TTC28: variants seen among roughly 807,000 people sequenced by gnomAD.
TTC28 encodes the protein tetratricopeptide repeat protein 28.
Under a neutral mutation model 198.0 loss-of-function variants are expected in TTC28, and 61 were observed. The observed-to-expected ratio is 0.31, with a 90% CI of 0.25 to 0.38. The LOEUF is 0.38. Ranked by LOEUF, TTC28 falls within the 10% of genes least tolerant of loss-of-function variation. The probability of loss-of-function intolerance (pLI) is 1.00; values close to 1 mark genes in which losing one functional copy is unlikely to be tolerated. For synonymous variants in TTC28, 1,171 were observed against 1,297.8 expected (o/e 0.90, Z 2.10); for missense variants, 2,678 against 3,164.0 (o/e 0.85, Z 3.69).
chr22:28,433,846 C>T (rs16986422), intron 2 of TTC28, among the ~76,000 whole-genome samples: 2,414 of 152,206 alleles, frequency 0.016, 83 homozygotes, highest in African/African-American at 0.056. Context: ...AAGCAAAAAT[C>T]AGAAAAGGGG....
At chr22:28,192,662 C>T (rs904369133) in intron 5 of TTC28, among the ~76,000 whole-genome samples, 8 of 151,916 alleles carry the variant, frequency 5.3e-5, no homozygotes, top group Admixed American at 1.3e-4. Flanking sequence ...CTTCAGCAGC[C>T]GATTCAATCA....
chr22:28,265,184 T>C (rs1931601264), intron 5 of TTC28, among the ~76,000 whole-genome samples: 1 of 152,200 alleles, frequency 6.6e-6, no homozygotes, highest in African/African-American at 2.4e-5. Flanking sequence ...AAAATTTGCA[T>C]ATTTTACACA....
intron 2 of TTC28, among the ~76,000 whole-genome samples, chr22:28,536,070 C>A (rs1429436355): frequency 2.0e-5 from 3 of 151,142 alleles, no homozygotes; most frequent in African/African-American, 7.3e-5. Flanking sequence ...TGGTGGCGGG[C>A]CCCTGTAGTC....
chr22:28,435,559 G>GT (rs2047507858), intron 2 of TTC28, among the ~76,000 whole-genome samples: 1 of 152,188 alleles, frequency 6.6e-6, no homozygotes, highest in Non-Finnish European at 1.5e-5. Flanking sequence ...GGGATTTCAG[G>GT]TTTTCCACAG....
chr22:28,300,561 C>A (rs962192386), intron 3 of TTC28, among the ~76,000 whole-genome samples: 2 of 151,886 alleles, frequency 1.3e-5, no homozygotes, highest in South Asian at 2.1e-4. Context: ...AGGAAATACA[C>A]TTCAAAAGAT....
At chr22:28,176,731 A>T (rs1923199547) in intron 5 of TTC28, among the ~76,000 whole-genome samples, 1 of 152,236 alleles carries the variant, frequency 6.6e-6, no homozygotes, top group East Asian at 1.9e-4. Flanking sequence ...ACATTTTTTA[A>T]TGAGAATTCT....
At chr22:28,282,407 T>C (rs1284495887) in intron 5 of TTC28, among the ~76,000 whole-genome samples, 4 of 152,222 alleles carry the variant, frequency 2.6e-5, no homozygotes, top group African/African-American at 7.2e-5. Flanking sequence ...GGAAGCACTA[T>C]CCAATAGAAT....
chr22:28,237,271 C>A (rs1324847559), intron 5 of TTC28, among the ~76,000 whole-genome samples: 2 of 152,098 alleles, frequency 1.3e-5, no homozygotes, highest in African/African-American at 2.4e-5. Flanking sequence ...AATGTCCTAA[C>A]GTGTCCACTG....
At chr22:28,495,700 T>C (rs1260873913) in intron 2 of TTC28, among the ~76,000 whole-genome samples, 1 of 152,180 alleles carries the variant, frequency 6.6e-6, no homozygotes, top group Non-Finnish European at 1.5e-5. Flanking sequence ...GTGGAAATAA[T>C]TCATTCAAAT....
intron 2 of TTC28, among the ~76,000 whole-genome samples, chr22:28,364,909 T>C (rs1361558000): frequency 1.3e-5 from 2 of 152,250 alleles, no homozygotes; most frequent in African/African-American, 4.8e-5. Flanking sequence ...ATTTAGAATA[T>C]AATACCAACT....
Position 28,394,788 on chromosome 22 carries a change from C to T in TTC28, c.382-88145G>A, listed in dbSNP as rs890520575. 1.4e-4 allele frequency among the ~76,000 whole-genome samples: 22 copies of T among 152,164 alleles called. 1 individual carries two copies. The highest frequency in any genetic ancestry group is 1.4e-3 in the Admixed American group (22 of 15,282). On this transcript the variant is annotated intron_variant, in intron 2 of 22. Coordinates refer to ENST00000397906, the MANE Select transcript of TTC28 (RefSeq NM_001145418.2). ...TTCATGAAACCAACAGCATGTAGAACACACAGCATTTCAATAACGTATGAA... is the reference window on the plus strand; with the variant it reads ...TTCATGAAACCAACAGCATGTAGAATACACAGCATTTCAATAACGTATGAA...
intron 2 of TTC28, among the ~76,000 whole-genome samples, chr22:28,316,033 A>T (rs1020477504): frequency 6.6e-6 from 1 of 152,196 alleles, no homozygotes; most frequent in East Asian, 1.9e-4. Flanking sequence ...AAGTTCTGGT[A>T]GTTCCATCCC....
At chr22:28,464,322 T>G (rs2047989981) in intron 2 of TTC28, among the ~76,000 whole-genome samples, 1 of 152,176 alleles carries the variant, frequency 6.6e-6, no homozygotes, top group Non-Finnish European at 1.5e-5. Context: ...ACCAAAAGTA[T>G]GCAGACAGTT....
chr22:28,237,133 G>GCT (rs1929307824), intron 5 of TTC28, among the ~76,000 whole-genome samples: 1 of 151,890 alleles, frequency 6.6e-6, no homozygotes, highest in Non-Finnish European at 1.5e-5. Context: ...TTGTTCATGT[G>GCT]CTCTCGCTCG....
At chr22:28,372,217 T>C (rs1249271584) in intron 2 of TTC28, among the ~76,000 whole-genome samples, 1 of 152,234 alleles carries the variant, frequency 6.6e-6, no homozygotes, top group African/African-American at 2.4e-5. Context: ...GAACAGCTAC[T>C]ACTAAAAACA....
At chr22:28,018,306 C>G (rs562650687) in intron 13 of TTC28, among the ~76,000 whole-genome samples, 121 of 49,238 alleles carry the variant, frequency 2.5e-3, no homozygotes, top group Middle Eastern at 0.013. Context: ...TGTGCGCGCG[C>G]GGGGGGGGGG....
intron 2 of TTC28, among the ~76,000 whole-genome samples, chr22:28,601,610 A>C (rs2050639664): frequency 6.6e-6 from 1 of 152,170 alleles, no homozygotes; most frequent in Non-Finnish European, 1.5e-5. Context: ...AAGGAACTTA[A>C]GCATCCACAG....
chr22:28,126,326 C>T (rs943941307), intron 6 of TTC28, among the ~76,000 whole-genome samples: 2 of 152,296 alleles, frequency 1.3e-5, no homozygotes, highest in South Asian at 4.1e-4. Flanking sequence ...CGGAGAACTA[C>T]GAGTTTCCAG....
At chr22:28,282,116 T>C (rs2044595092) in intron 5 of TTC28, among the ~76,000 whole-genome samples, 1 of 152,182 alleles carries the variant, frequency 6.6e-6, no homozygotes, top group South Asian at 2.1e-4. Flanking sequence ...TTTTTCCAAG[T>C]GTTAATTCTC....
Sources: gnomAD v4.1 joint callset for allele counts (sites outside exome capture counted in the v4.1 genomes callset) on GRCh38, gnomAD v4.1.1 for gene constraint, MANE v1.5 for transcripts, NCBI Gene and HGNC (gene_info 2026-07-23, HGNC 2026-07-21) for gene names.